DLGAP2: variants seen among roughly 807,000 people sequenced by gnomAD.
DLGAP2 encodes disks large-associated protein 2.
A neutral mutation model predicts 100.3 loss-of-function variants in DLGAP2; 26 were observed. The observed-to-expected ratio is 0.26, with a 90% confidence interval of 0.19 to 0.36. The LOEUF (loss-of-function observed/expected upper bound fraction) is 0.36. Among genes scored for constraint, DLGAP2 ranks in the 10% least tolerant of loss-of-function variants. The pLI, the probability that DLGAP2 is intolerant of heterozygous loss-of-function variation, is 1.00. For synonymous variants in DLGAP2, 886 were observed against 630.1 expected, an observed-to-expected ratio of 1.41 and a Z score of -6.08; for missense variants, 1,858 against 1,453.2, an observed-to-expected ratio of 1.28 and a Z score of -4.53.
chr8:1,438,066 G>T (rs1797702931), intron 3 of DLGAP2, among the ~76,000 whole-genome samples: 1 of 152,130 alleles, frequency 6.6e-6, no homozygotes, highest in Non-Finnish European at 1.5e-5. Flanking sequence ...GATTTCTCGA[G>T]TTGTGGGCTG....
At chr8:871,411 T>C (rs569438587) in intron 1 of DLGAP2, among the ~76,000 whole-genome samples, 1 of 152,266 alleles carries the variant, frequency 6.6e-6, no homozygotes, top group Non-Finnish European at 1.5e-5. Flanking sequence ...TCTGACAGGG[T>C]GATCCTGCTT....
intron 3 of DLGAP2, among the ~76,000 whole-genome samples, chr8:1,458,336 C>T (rs1798379107): frequency 6.6e-6 from 1 of 152,030 alleles, no homozygotes; most frequent in African/African-American, 2.4e-5. Context: ...GAGCACCTTC[C>T]CCACAGTAAG....
rs146256786 is a variant in DLGAP2 at position 871,627 on chromosome 8, T to C, written c.19-36285T>C. ...ACATGATGCTCAATGGAACTGCTCA[T>C]TGGAGCATTTCGGATTTGGATATTT... On this transcript the variant is annotated intron_variant, in intron 1 of 14. Coordinates refer to ENST00000637795, the MANE Select transcript of DLGAP2 (RefSeq NM_001346810.2). Among the ~76,000 whole-genome samples the C allele has an allele frequency of 3.0e-3, 453 of 152,326 alleles. 3 individuals are homozygous for C. The highest frequency in any genetic ancestry group is 0.011 in the African/African-American group (437 of 41,568).
chr8:1,373,691 A>G (rs1802311002), intron 3 of DLGAP2: 1 of 152,190 alleles, frequency 6.6e-6, no homozygotes, highest in Non-Finnish European at 1.5e-5. Flanking sequence ...TGGGGCGTCC[A>G]CCAACTAGGA....
chr8:1,109,134 GTGTGCTGGA>G, intron 2 of DLGAP2, among the ~76,000 whole-genome samples: 8 of 114,672 alleles, frequency 7.0e-5, no homozygotes, highest in Non-Finnish European at 1.5e-4. Flanking sequence ...TGCCTATGAG[GTGTGCTGGA>G]TCTGTGAGGT....
chr8:1,598,523 T>G (rs148033952), intron 6 of DLGAP2, among the ~76,000 whole-genome samples: 5 of 152,346 alleles, frequency 3.3e-5, no homozygotes, highest in African/African-American at 1.2e-4. Context: ...AGGCTATTAA[T>G]TACTGCCTCA....
chr8:1,302,451 A>T (rs1554438387), intron 3 of DLGAP2: 1 of 97,658 alleles, frequency 1.0e-5, no homozygotes, highest in African/African-American at 3.7e-5. Flanking sequence ...CCGGACTCGG[A>T]ATTTTCTGTG....
intron 2 of DLGAP2, among the ~76,000 whole-genome samples, chr8:1,079,874 G>A (rs751607807): frequency 1.3e-5 from 2 of 152,248 alleles, no homozygotes; most frequent in South Asian, 4.1e-4. Context: ...TTGATTGGAC[G>A]TGGCAGGCAG....
At chr8:1,249,921 C>T (rs1023316056) in intron 2 of DLGAP2, among the ~76,000 whole-genome samples, 9 of 152,082 alleles carry the variant, frequency 5.9e-5, no homozygotes, top group African/African-American at 2.2e-4. Flanking sequence ...TGCTCTGTCA[C>T]CCAGGCTGGA....
intron 4 of DLGAP2, among the ~76,000 whole-genome samples, chr8:1,507,039 C>T (rs1318972712): frequency 1.3e-5 from 2 of 152,238 alleles, no homozygotes; most frequent in African/African-American, 4.8e-5. Context: ...GGTGCATTTA[C>T]AATCTCCTAG....
chr8:1,166,703 G>A (rs1045234821), intron 2 of DLGAP2, among the ~76,000 whole-genome samples: 1 of 152,004 alleles, frequency 6.6e-6, no homozygotes, highest in African/African-American at 2.4e-5. Context: ...CATTGTGAAC[G>A]TGTATCTATC....
chr8:1,107,516 G>A (rs567248957), intron 2 of DLGAP2, among the ~76,000 whole-genome samples: 2 of 152,340 alleles, frequency 1.3e-5, no homozygotes, highest in South Asian at 2.1e-4. Context: ...CACAGGGAGA[G>A]CCAGGGCCCC....
At chr8:1,052,297 A>T (rs182732198) in intron 2 of DLGAP2, among the ~76,000 whole-genome samples, 554 of 152,342 alleles carry the variant, frequency 3.6e-3, no homozygotes, top group Non-Finnish European at 6.1e-3. Flanking sequence ...ACAAACTCTG[A>T]GGACATACTT....
chr8:980,716 C>G (rs1044352488), intron 2 of DLGAP2, among the ~76,000 whole-genome samples: 1 of 151,986 alleles, frequency 6.6e-6, no homozygotes, highest in Admixed American at 6.6e-5. Flanking sequence ...AGCTGGGTTC[C>G]GGGAGGACAC....
chr8:795,747 A>AGGCGTCCAGTGAGAG lies in DLGAP2; in HGVS notation c.18+57922_18+57923insGGCGTCCAGTGAGAG, dbSNP rs1796016519. 1.6e-4 allele frequency among the ~76,000 whole-genome samples: 4 copies of AGGCGTCCAGTGAGAG among 25,618 alleles called. 1 individual carries two copies. The highest frequency in any genetic ancestry group is 5.0e-4 in the African/African-American group (3 of 6,016). The allele number at this position is 25,618 out of a possible 152,430, so 16.8% of individuals were successfully genotyped here. Reference sequence around the variant, plus strand: ...CAGTGAGAGCAGGCGTCCAGTGAGAACAGGCGTCCAGTGAGAGCAGGCGTC... The same window carrying AGGCGTCCAGTGAGAG: ...CAGTGAGAGCAGGCGTCCAGTGAGAAGGCGTCCAGTGAGAGCAGGCGTCCAGTGAGAGCAGGCGTC... On this transcript the variant is annotated intron_variant, in intron 1 of 14. Coordinates refer to ENST00000637795, the MANE Select transcript of DLGAP2 (RefSeq NM_001346810.2).
intron 2 of DLGAP2, among the ~76,000 whole-genome samples, chr8:1,253,776 A>G (rs1249281732): frequency 6.6e-6 from 1 of 152,176 alleles, no homozygotes; most frequent in Non-Finnish European, 1.5e-5. Flanking sequence ...ATGATGATGA[A>G]TCCACAGTGT....
rs548353044 is a variant in DLGAP2, at chr8:1,683,231, C to T, written c.2704+4602C>T. 5.9e-5 allele frequency among the ~76,000 whole-genome samples: 9 copies of T among 151,712 alleles called. No homozygotes were observed. In the East Asian group the frequency reaches 1.7e-3, roughly 29 times the overall value. On this transcript the variant is annotated intron_variant, in intron 12 of 14. Coordinates refer to ENST00000637795, the MANE Select transcript of DLGAP2 (RefSeq NM_001346810.2). ...CCTGGGAAGATTCTCAGAAGGCTTC[C>T]TGGAGAAGGTGGCACTGTGCTGGGC...
At chr8:892,035 G>T (rs146906277) in intron 1 of DLGAP2, among the ~76,000 whole-genome samples, 1 of 152,250 alleles carries the variant, frequency 6.6e-6, no homozygotes, top group Non-Finnish European at 1.5e-5. Context: ...GATGGCCACT[G>T]TCAAAACCGC....
intron 13 of DLGAP2, among the ~76,000 whole-genome samples, chr8:1,693,071 A>G (rs1165744639): frequency 6.8e-6 from 1 of 148,078 alleles, no homozygotes; most frequent in Non-Finnish European, 1.5e-5. Flanking sequence ...TTATATATAA[A>G]CATATATATT....
Sources: allele counts gnomAD v4.1 joint callset (sites outside exome capture counted in the v4.1 genomes callset), GRCh38; gene constraint gnomAD v4.1.1; transcripts MANE v1.5; gene names NCBI Gene and HGNC (gene_info 2026-07-23, HGNC 2026-07-21).